The following CYFIP1 variants were observed in gnomAD, a reference collection of about 807,000 sequenced individuals.
The protein encoded by CYFIP1 is cytoplasmic FMR1 interacting protein 1, also known as cytoplasmic FMR1-interacting protein 1.
Under a neutral mutation model 163.5 loss-of-function variants are expected in CYFIP1, and 58 were observed. The observed-to-expected ratio is 0.35, with a 90% CI of 0.29 to 0.44. CYFIP1 has a LOEUF of 0.44. Ranked by LOEUF, CYFIP1 falls within the 20% of genes least tolerant of loss-of-function variation. The pLI is 1.00. For synonymous variants in CYFIP1, 663 were observed against 660.7 expected (o/e 1.00, Z -0.05); for missense variants, 1,338 against 1,653.8 (o/e 0.81, Z 3.31).
At chr15:22,925,594 T>C (rs746712221) in intron 13 of CYFIP1, among the ~76,000 whole-genome samples, 3 of 152,264 alleles carry the variant, frequency 2.0e-5, no homozygotes, top group Non-Finnish European at 2.9e-5. Context: ...AAAGAAAAGA[T>C]ACCAGTTGAT....
intron 6 of CYFIP1, among the ~76,000 whole-genome samples, chr15:22,940,291 C>T (rs369833256): frequency 2.6e-5 from 4 of 152,176 alleles, no homozygotes; most frequent in African/African-American, 7.2e-5. Context: ...TCCTTAGGAA[C>T]GAGCCCTGCA....
At chr15:22,903,534 A>G (rs1190933766) in intron 22 of CYFIP1, among the ~76,000 whole-genome samples, 172 bp downstream of exon 22, 1 of 152,166 alleles carries the variant, frequency 6.6e-6, no homozygotes, top group Non-Finnish European at 1.5e-5. Flanking sequence ...GGTAGACCCG[A>G]GGCTGCCTGT....
intron 22 of CYFIP1, among the ~76,000 whole-genome samples, chr15:22,899,330 G>A (rs756086059): frequency 7.9e-5 from 12 of 152,148 alleles, no homozygotes; most frequent in Non-Finnish European, 1.8e-4. Context: ...GTTTTAATAC[G>A]TAGGTAACTA....
chr15:22,879,904 G>C lies in CYFIP1; in HGVS notation c.3042+9C>G. ...GGGCGGGGAGGGGCGGCGTTGGGGGGCCACTCACCAGGCTCTGCTCGATGA... is the reference window on the plus strand; with the variant it reads ...GGGCGGGGAGGGGCGGCGTTGGGGGCCCACTCACCAGGCTCTGCTCGATGA... On this transcript the variant is annotated intron_variant, in intron 26 of 30. Coordinates refer to ENST00000617928, the MANE Select transcript of CYFIP1 (RefSeq NM_014608.6). 1 of 1,608,390 alleles carries C rather than the reference G, an allele frequency of 6.2e-7. No homozygotes were observed. Among genetic ancestry groups the C allele is most frequent in the Non-Finnish European group, 8.5e-7 (1 of 1,178,606 alleles).
intron 1 of CYFIP1, among the ~76,000 whole-genome samples, chr15:22,953,040 G>A (rs925399208): frequency 2.6e-5 from 4 of 152,236 alleles, no homozygotes; most frequent in African/African-American, 4.8e-5. Flanking sequence ...AGCTGTCACC[G>A]CACGCACACG....
At chr15:22,973,345 A>T (rs866840034) in intron 1 of CYFIP1, among the ~76,000 whole-genome samples, 4 of 150,078 alleles carry the variant, frequency 2.7e-5, no homozygotes, top group Middle Eastern at 3.5e-3. Context: ...AGGGAGAAGA[A>T]ACTCCCTAAC....
chr15:22,882,817 G>GC (rs757106469), intron 24 of CYFIP1, 51 bp downstream of exon 24: 2 of 1,584,410 alleles, frequency 1.3e-6, no homozygotes, highest in Non-Finnish European at 1.7e-6. Flanking sequence ...TGGCATGGGT[G>GC]CCCCAGGGAA....
At chr15:22,942,718 A>C (rs1222423101) in intron 6 of CYFIP1, among the ~76,000 whole-genome samples, 1 of 152,160 alleles carries the variant, frequency 6.6e-6, no homozygotes, top group Non-Finnish European at 1.5e-5. Flanking sequence ...CCACGTCTGC[A>C]CATTGCTGGG....
At chr15:22,963,615 A>C (rs2062782510) in intron 1 of CYFIP1, among the ~76,000 whole-genome samples, 1 of 151,884 alleles carries the variant, frequency 6.6e-6, no homozygotes, top group South Asian at 2.1e-4. Context: ...AAGGAATGGG[A>C]AATGTCTCAA....
At position 22,917,897 on chromosome 15, in the gene CYFIP1, T is replaced by A. The variant is rs1188981568; in HGVS notation, c.1565A>T (p.Glu522Val). The A allele has an allele frequency of 6.2e-7, 1 of 1,613,826 alleles. No individual in the cohort carries two copies. Among genetic ancestry groups the A allele is most frequent in the Admixed American group, 1.7e-5 (1 of 59,960 alleles). The part of the protein sequence containing the change: ...QAIRKTVCDW[E>V]TGHEPFNDPA... ...GTCATTGAAGGGCTCATGCCCCGTC[T>A]CCCAGTCACACACGGTCTTCCTGAT... Residue 522 changes from glutamate (E) to valine (V), a missense_variant, in exon 15 of 31, where the codon GAG (glutamate) becomes GTG (valine). Around this residue, in one of 4 missense-constraint regions of CYFIP1, gnomAD observed 824 missense variants for 995.7 expected, o/e 0.83. Coordinates refer to ENST00000617928, the MANE Select transcript of CYFIP1 (RefSeq NM_014608.6). This position sits in a 1 kb window ranked among gnomAD's most constrained non-coding sequence, Gnocchi z 4.2.
intron 8 of CYFIP1, among the ~76,000 whole-genome samples, chr15:22,938,325 G>C (rs1055798918): frequency 6.6e-6 from 1 of 152,172 alleles, no homozygotes; most frequent in African/African-American, 2.4e-5. Context: ...CAAAGCTGGC[G>C]GGGCATGGTG....
In CYFIP1 at chr15:22,978,303, G is replaced by A. The variant is rs559249312; in HGVS notation, c.-7+1984C>T. 4.9e-4 allele frequency among the ~76,000 whole-genome samples: 62 copies of A among 126,264 alleles called. No homozygotes were observed. In the Admixed American group the frequency reaches 5.2e-3, roughly 10 times the overall value. The allele number at this position is 126,264 out of a possible 152,430, so 82.8% of individuals were successfully genotyped here. ...GGAGGCATAGGTTGTGGCGAGCCGAGTTTGCGTCACTGCACTCCAGTCTGG... is the reference window on the plus strand; with the variant it reads ...GGAGGCATAGGTTGTGGCGAGCCGAATTTGCGTCACTGCACTCCAGTCTGG... On this transcript the variant is annotated intron_variant, in intron 1 of 30. Coordinates refer to ENST00000617928, the MANE Select transcript of CYFIP1 (RefSeq NM_014608.6).
At chr15:22,915,171 C>T (rs2060929955) in intron 16 of CYFIP1, 1 of 275,156 alleles carries the variant, frequency 3.6e-6, no homozygotes, top group East Asian at 7.0e-5. Flanking sequence ...CACTCTGTCA[C>T]CCAGGCTGGA....
At chr15:22,980,179 G>GT (rs1311444237) in intron 1 of CYFIP1, 108 bp downstream of exon 1, 6 of 149,098 alleles carry the variant, frequency 4.0e-5, no homozygotes, top group Admixed American at 2.0e-4. Flanking sequence ...TGGGGGGGAG[G>GT]GGGGGGTCCG....
At chr15:22,889,458 A>T (rs1243849048) in intron 23 of CYFIP1, among the ~76,000 whole-genome samples, 2 of 152,212 alleles carry the variant, frequency 1.3e-5, no homozygotes, top group African/African-American at 4.8e-5. Flanking sequence ...GGAGAATAAA[A>T]ACGTGTGTCA....
chr15:22,947,767 C>T (rs112303523), intron 1 of CYFIP1: 56 of 205,276 alleles, frequency 2.7e-4, no homozygotes, highest in African/African-American at 1.1e-3. Context: ...AAAAGACGAG[C>T]GCCCTGCCGC....
At chr15:22,894,740 T>C (rs969341891) in intron 22 of CYFIP1, among the ~76,000 whole-genome samples, 2 of 150,540 alleles carry the variant, frequency 1.3e-5, no homozygotes, top group Non-Finnish European at 3.0e-5. Flanking sequence ...ATGCAATTAC[T>C]CTTTATAATA....
In CYFIP1 at chr15:22,962,664, A is replaced by G. The variant is rs1471852771; in HGVS notation, c.-6-15373T>C. ...GGTGATCCACCAGCCTCGGCCTCCCAAAGTGCTGAGATTACAGACGTGAGC... is the reference window on the plus strand; with the variant it reads ...GGTGATCCACCAGCCTCGGCCTCCCGAAGTGCTGAGATTACAGACGTGAGC... On this transcript the variant is annotated intron_variant, in intron 1 of 30. Coordinates refer to ENST00000617928, the MANE Select transcript of CYFIP1 (RefSeq NM_014608.6). Among the ~76,000 whole-genome samples the G allele has an allele frequency of 2.0e-5, 3 of 151,806 alleles. No individual in the cohort carries two copies. The East Asian group carries it at 5.8e-4, about 29-fold the overall frequency.
intron 25 of CYFIP1, among the ~76,000 whole-genome samples, chr15:22,881,496 C>A (rs764465761): frequency 5.9e-5 from 9 of 152,100 alleles, no homozygotes; most frequent in Non-Finnish European, 1.3e-4. Flanking sequence ...CAGGGGCAGG[C>A]CTTGCACCAT....
Sources: allele counts gnomAD v4.1 joint callset (sites outside exome capture counted in the v4.1 genomes callset), GRCh38; gene constraint gnomAD v4.1.1; regional missense constraint gnomAD v4.1.1; non-coding constraint Gnocchi (gnomAD v3.1); transcripts MANE v1.5; gene names NCBI Gene and HGNC (gene_info 2026-07-23, HGNC 2026-07-21).